The following SLC15A3 variants were observed in gnomAD, a reference collection of about 807,000 sequenced individuals.
SLC15A3 encodes osteoclast transporter.
A neutral mutation model predicts 49.2 loss-of-function variants in SLC15A3; 39 were observed. That is an observed-to-expected ratio of 0.79 (90% CI 0.61 to 1.04). The LOEUF is 1.04. Ranked by LOEUF, SLC15A3 falls within the 50% of genes least tolerant of loss-of-function variation. SLC15A3 has a pLI of 0.00. For missense variants in SLC15A3, 758 were observed against 794.8 expected, an observed-to-expected ratio of 0.95 and a Z score of 0.56; for synonymous variants, 339 against 367.0, an observed-to-expected ratio of 0.92 and a Z score of 0.87.
rs1004907052 is a variant in SLC15A3 at position 60,946,625 on chromosome 11, A to T, written c.755T>A (p.Ile252Asn). The change falls in exon 2 of 8, where the codon ATC becomes AAC. Residue 252 changes from isoleucine (I) to asparagine (N), a missense_variant. This residue lies in a region of SLC15A3 where 699 missense variants were observed against 706.7 expected (regional missense o/e 0.99). Transcript: ENST00000227880. The part of the protein sequence containing the change: ...FIFLFATPVF[I>N]TKPPMGSQVS... ...TTGGCTGCCCATCGGGGGCTTGGTG[A>T]TGAAGACGGGGGTGGCAAAGAGGAA... The T allele has an allele frequency of 1.2e-6, 2 of 1,613,876 alleles. No individual in the cohort carries two copies. The highest frequency in any genetic ancestry group is 1.7e-6 in the Non-Finnish European group (2 of 1,179,876).
At position 60,937,993 on chromosome 11, in the gene SLC15A3, A is replaced by C; in HGVS notation, c.1468T>G (p.Ser490Ala). ...LEFAYSEAPR[S>A]MQGAIMGIFF... ...ATGCCCATGATGGCGCCCTGCATGG[A>C]GCGCGGGGCCTCTGAGTAGGCAAAC... The change falls in exon 7 of 8, where the codon TCC becomes GCC. Residue 490 changes from serine to alanine, a missense_variant. Physicochemically the swap from Ser to Ala is moderately conservative, Grantham distance 99. Transcript: ENST00000227880. 6.2e-7 allele frequency: 1 copy of C among 1,614,046 alleles called. No individual in the cohort carries two copies. Among genetic ancestry groups the C allele is most frequent in the Non-Finnish European group, 8.5e-7 (1 of 1,179,968 alleles).
At chr11:60,950,046 A>C (rs1856886411) in intron 1 of SLC15A3, among the ~76,000 whole-genome samples, 2 of 152,230 alleles carry the variant, frequency 1.3e-5, no homozygotes, top group South Asian at 2.1e-4. Flanking sequence ...ATACTTATTA[A>C]ATTTCTTCTA....
rs773667915 is a variant in SLC15A3 at position 60,946,617 on chromosome 11, G to A, written c.763C>T (p.Pro255Ser). 3.7e-6 allele frequency: 6 copies of A among 1,613,888 alleles called. No homozygotes were observed. The South Asian group carries it at 5.5e-5, about 15-fold the overall frequency. ...GAGGACACTTGGCTGCCCATCGGGG[G>A]CTTGGTGATGAAGACGGGGGTGGCA... The part of the protein sequence containing the change: ...LFATPVFITK[P>S]PMGSQVSSML... Residue 255 changes from proline to serine, a missense_variant, in exon 2 of 8, where the codon CCC becomes TCC. Around this residue, in one of 3 missense-constraint regions of SLC15A3, gnomAD observed 699 missense variants for 706.7 expected, o/e 0.99. Transcript: ENST00000227880.
At chr11:60,938,274 T>C in intron 6 of SLC15A3, 1 of 464,536 alleles carries the variant, frequency 2.2e-6, no homozygotes, top group South Asian at 4.1e-5. Context: ...TAGCTCTGTC[T>C]CCCCTCCTCC....
intron 1 of SLC15A3, among the ~76,000 whole-genome samples, chr11:60,947,544 A>C (rs962233437): frequency 1.2e-4 from 18 of 152,186 alleles, no homozygotes; most frequent in Non-Finnish European, 2.5e-4. Context: ...ATTATTAAAA[A>C]TGTTGTATGC....
rs771521927 is a variant in SLC15A3, at chr11:60,937,223, C to T, written c.1742G>A (p.Gly581Asp). The T allele has an allele frequency of 1.2e-6, 2 of 1,613,728 alleles. No individual in the cohort carries two copies. The highest frequency in any genetic ancestry group is 2.7e-5 in the African/African-American group (2 of 74,926). The change falls in exon 8 of 8, where the codon GGC (glycine) becomes GAC (aspartate). Residue 581 changes from glycine (G) to aspartate (D), a missense_variant. Transcript: ENST00000227880. ...GGGGGCTGGAATAGGGCCTGTTCAG[C>T]CCCTGTCCCTGCTGAAACGGCTGTG... Reference protein sequence around the residue: ...ASHSRFSRDRG With the variant: ...ASHSRFSRDRD
chr11:60,946,504 G>A, intron 2 of SLC15A3, 28 bp downstream of exon 2: 1 of 1,522,252 alleles, frequency 6.6e-7, no homozygotes, highest in African/African-American at 1.4e-5. Flanking sequence ...AGGCTTGGAG[G>A]CTCCCTGCAC....
chr11:60,938,327 A>C (rs1001754682), intron 6 of SLC15A3, among the ~76,000 whole-genome samples: 4 of 150,888 alleles, frequency 2.7e-5, no homozygotes, highest in Admixed American at 1.3e-4. Flanking sequence ...CACCATCTTT[A>C]CCTCCTCTCT....
rs771470027 is a variant in SLC15A3, at chr11:60,939,589, C to G, written c.1326G>C (p.Val442=). The G allele has an allele frequency of 2.1e-5, 34 of 1,614,066 alleles. No homozygotes were observed. In the Admixed American group the frequency reaches 5.0e-4, roughly 24 times the overall value. ...ACAGGACCTCCCCAATCTGCTGGGA[C>G]ACGGTCTCGTTGTGGTGGATGTAGT... ...RLHYIHHNET[V]SQQIGEVLYN... The change falls in exon 6 of 8, where the codon GTG becomes GTC. Residue 442 remains valine, a synonymous_variant. Transcript: ENST00000227880.
chr11:60,946,005 C>A (rs916239600), intron 2 of SLC15A3, among the ~76,000 whole-genome samples: 9 of 151,752 alleles, frequency 5.9e-5, no homozygotes, highest in African/African-American at 9.7e-5. Context: ...TTTCATTTTT[C>A]TTTTTTTATT....
rs147719580 is a variant in SLC15A3 at position 60,939,559 on chromosome 11, G to A, written c.1356C>T (p.Asn452=). 1.7e-3 allele frequency: 2,685 copies of A among 1,614,196 alleles called. 9 individuals are homozygous for A. Among genetic ancestry groups the A allele is most frequent in the Non-Finnish European group, 2.1e-3 (2,489 of 1,180,028 alleles). The change falls in exon 6 of 8, where the codon AAC becomes AAT. Residue 452 remains asparagine, a synonymous_variant. Transcript: ENST00000227880. ...GCCACCAGATGGACAGTGGTGCCGC[G>A]TTGTACAGGACCTCCCCAATCTGCT... is the stretch of plus-strand genomic sequence containing the variant. The part of the protein sequence containing the change: ...VSQQIGEVLY[N]AAPLSIWWQI...
Position 60,951,088 on chromosome 11 carries a change from G to C in SLC15A3, c.464C>G (p.Pro155Arg), listed in dbSNP as rs1467508706. 2 of 1,481,086 alleles carry C rather than the reference G, an allele frequency of 1.4e-6. No individual in the cohort carries two copies. The highest frequency in any genetic ancestry group is 2.6e-5 in the South Asian group (2 of 76,836). 91.7% of individuals were successfully genotyped at this position (1,481,086 alleles called of 1,614,324 possible). ...CGCGTAGAGGACGGGCGCGCAGTAG[G>C]GGCTGGGCGAGGAGCGCGGGCAGCC... Reference protein sequence around the residue: ...SAGCPRSSPSPYCAPVLYAGL... With the variant: ...SAGCPRSSPSRYCAPVLYAGL... Residue 155 changes from proline to arginine, a missense_variant, in exon 1 of 8, where the codon CCC becomes CGC. Pro to Arg is a moderately radical substitution (Grantham distance 103). Transcript: ENST00000227880.
chr11:60,951,628 C>T lies in SLC15A3; in HGVS notation c.-77G>A, dbSNP rs1590647084. 4 of 1,038,778 alleles carry T rather than the reference C, an allele frequency of 3.9e-6. No individual in the cohort carries two copies. The highest frequency in any genetic ancestry group is 3.5e-6 in the Non-Finnish European group (3 of 859,424). 64.3% of individuals were successfully genotyped at this position (1,038,778 alleles called of 1,614,324 possible). A position where few individuals can be genotyped will look rare whatever the true frequency, so the allele number is the denominator to read the frequency against. ...CCTCAGAGCCCTGCACTCCTGCCCC[C>T]GGGCCTCGGCCCTCTCCCCCACCCA... On this transcript the variant is annotated 5_prime_UTR_variant, in exon 1 of 8. Coordinates refer to ENST00000227880, the MANE Select transcript of SLC15A3 (RefSeq NM_016582.3).
At chr11:60,941,835 T>C (rs1425068263) in intron 4 of SLC15A3, 200 bp downstream of exon 4, 1 of 572,966 alleles carries the variant, frequency 1.7e-6, no homozygotes, top group East Asian at 3.1e-5. Flanking sequence ...CTGGCCTGAA[T>C]TCCTTCAAGC....
Position 60,937,093 on chromosome 11 carries a change from A to G in SLC15A3, c.*126T>C. ...TTGTCATGGACCATGGTCGTGAGGA[A>G]GGGCTCATGCCCCTTATTTATGGGA... On this transcript the variant is annotated 3_prime_UTR_variant, in exon 8 of 8. Transcript: ENST00000227880. 7.1e-7 allele frequency: 1 copy of G among 1,417,154 alleles called. No homozygotes were observed. The highest frequency in any genetic ancestry group is 9.4e-7 in the Non-Finnish European group (1 of 1,062,856). The allele number at this position is 1,417,154 out of a possible 1,614,324, so 87.8% of individuals were successfully genotyped here.
intron 2 of SLC15A3, among the ~76,000 whole-genome samples, chr11:60,944,375 A>C (rs1427541602): frequency 1.3e-5 from 2 of 152,116 alleles, no homozygotes; most frequent in Admixed American, 6.6e-5. Flanking sequence ...CATCACCTTT[A>C]GTAAGGTGAC....
intron 7 of SLC15A3, 29 bp from the exon 8 acceptor site, chr11:60,937,402 C>A: frequency 1.2e-6 from 2 of 1,613,482 alleles, no homozygotes; most frequent in South Asian, 2.2e-5. Context: ...AGATTTGGGT[C>A]AGGACAGGGA....
In SLC15A3 at chr11:60,951,085, T is replaced by G. The variant is rs998867039; in HGVS notation, c.467A>C (p.Tyr156Ser). 5.4e-6 allele frequency: 8 copies of G among 1,482,516 alleles called. No homozygotes were observed. Among genetic ancestry groups the G allele is most frequent in the African/African-American group, 1.5e-5 (1 of 68,002 alleles). 91.8% of individuals were successfully genotyped at this position (1,482,516 alleles called of 1,614,324 possible). ...GCCCGCGTAGAGGACGGGCGCGCAG[T>G]AGGGGCTGGGCGAGGAGCGCGGGCA... ...AGCPRSSPSPYCAPVLYAGLL... is the reference protein window; with the variant it reads ...AGCPRSSPSPSCAPVLYAGLL... The change falls in exon 1 of 8, where the codon TAC becomes TCC. Residue 156 changes from tyrosine (Y) to serine (S), a missense_variant. This residue lies in a region of SLC15A3 where 699 missense variants were observed against 706.7 expected (regional missense o/e 0.99). Transcript: ENST00000227880.
intron 1 of SLC15A3, among the ~76,000 whole-genome samples, chr11:60,950,617 TA>T (rs11417679): frequency 0.37 from 54,671 of 146,182 alleles, 11,333 homozygotes; most frequent in Middle Eastern, 0.48. Flanking sequence ...CACCTCTACT[TA>T]AAAAAAAAAA....
Sources: gnomAD v4.1 joint callset for allele counts (sites outside exome capture counted in the v4.1 genomes callset) on GRCh38, gnomAD v4.1.1 for gene constraint, gnomAD v4.1.1 regional missense constraint, MANE v1.5 for transcripts, NCBI Gene and HGNC (gene_info 2026-07-23, HGNC 2026-07-21) for gene names.